Variants in PDZD8 observed in about 807,000 individuals in gnomAD.
PDZD8 encodes PDZ domain-containing protein 8.
Under a neutral mutation model 85.8 loss-of-function variants are expected in PDZD8, and 14 were observed. That is an observed-to-expected ratio of 0.16 (90% CI 0.11 to 0.26). The LOEUF is 0.26. PDZD8 is among the 10% of genes least tolerant of loss of function. The pLI is 1.00. For synonymous variants in PDZD8, 592 were observed against 568.6 expected (o/e 1.04, Z -0.59); for missense variants, 1,197 against 1,424.3 (o/e 0.84, Z 2.57).
At chr10:117,327,806 A>G (rs934455355) in intron 2 of PDZD8, among the ~76,000 whole-genome samples, 3 of 152,198 alleles carry the variant, frequency 2.0e-5, no homozygotes, top group Admixed American at 6.5e-5. Context: ...TGAAATGGAT[A>G]TGGCTTTTAT....
chr10:117,285,705 AGAT>A (rs1844650577), intron 4 of PDZD8: 1 of 1,195,082 alleles, frequency 8.4e-7, no homozygotes, highest in African/African-American at 1.6e-5. Context: ...TTTTCAAACC[AGAT>A]GATGACACAG....
chr10:117,337,548 T>C (rs1844538114), intron 2 of PDZD8, among the ~76,000 whole-genome samples: 1 of 152,244 alleles, frequency 6.6e-6, no homozygotes, highest in Non-Finnish European at 1.5e-5. Context: ...GTATTTCAGA[T>C]AGTTAGGAAA....
intron 1 of PDZD8, among the ~76,000 whole-genome samples, chr10:117,364,998 T>C (rs1845063071): frequency 6.6e-6 from 1 of 152,112 alleles, no homozygotes; most frequent in South Asian, 2.1e-4. Context: ...GGCTTGTATA[T>C]GTATGCTTGA....
At chr10:117,300,976 G>GC (rs1258445495) in intron 3 of PDZD8, among the ~76,000 whole-genome samples, 3 of 152,136 alleles carry the variant, frequency 2.0e-5, no homozygotes, top group Admixed American at 6.5e-5. Context: ...GACTAAGGCA[G>GC]CAACTAAAAA....
chr10:117,364,724 G>C (rs1845058821), intron 1 of PDZD8, among the ~76,000 whole-genome samples: 1 of 152,100 alleles, frequency 6.6e-6, no homozygotes, highest in Non-Finnish European at 1.5e-5. Flanking sequence ...GATTAAGTGA[G>C]AAGTGGTGAC....
intron 1 of PDZD8, among the ~76,000 whole-genome samples, chr10:117,355,657 G>T (rs1844881218): frequency 6.6e-6 from 1 of 152,074 alleles, no homozygotes; most frequent in Admixed American, 6.6e-5. Context: ...CTACCTCACA[G>T]TGCTGTTACA....
At chr10:117,321,709 T>C (rs1024908975) in intron 2 of PDZD8, among the ~76,000 whole-genome samples, 1 of 152,158 alleles carries the variant, frequency 6.6e-6, no homozygotes, top group Non-Finnish European at 1.5e-5. Context: ...TGAATCATTT[T>C]TCTGTGGTAA....
At chr10:117,367,373 C>T (rs539464139) in intron 1 of PDZD8, among the ~76,000 whole-genome samples, 3 of 151,592 alleles carry the variant, frequency 2.0e-5, no homozygotes, top group Admixed American at 1.3e-4. Flanking sequence ...ATAGCGCCAC[C>T]GCACTCCAGC....
rs537140213 is a variant in PDZD8, at chr10:117,310,107, T to G, written c.1098+8765A>C. On this transcript the variant is annotated intron_variant, in intron 3 of 4. Coordinates refer to ENST00000334464, the MANE Select transcript of PDZD8 (RefSeq NM_173791.5). ...TATGCTATCATATTCTTTAGCCAAC[T>G]TGAACAACTCACTCTATCTCAAAGA... 5.9e-5 allele frequency among the ~76,000 whole-genome samples: 9 copies of G among 152,272 alleles called. No homozygotes were observed. In the South Asian group the frequency reaches 1.9e-3, roughly 32 times the overall value.
intron 3 of PDZD8, among the ~76,000 whole-genome samples, chr10:117,299,362 C>CT (rs1449048272): frequency 6.6e-5 from 10 of 152,180 alleles, no homozygotes; most frequent in African/African-American, 2.4e-4. Context: ...GCCTAAATCT[C>CT]TAGCAAGGCC....
intron 3 of PDZD8, among the ~76,000 whole-genome samples, chr10:117,306,464 T>C (rs750919889): frequency 9.9e-5 from 15 of 152,162 alleles, no homozygotes; most frequent in Non-Finnish European, 1.9e-4. Context: ...CAGTAAAATA[T>C]GCAAAGGCCG....
rs148088272 is a variant in PDZD8 at position 117,363,263 on chromosome 10, C to T, written c.872+11093G>A. 5.1e-3 allele frequency among the ~76,000 whole-genome samples: 771 copies of T among 152,084 alleles called. 5 individuals are homozygous for T. Among genetic ancestry groups the T allele is most frequent in the African/African-American group, 0.011 (464 of 41,526 alleles). On this transcript the variant is annotated intron_variant, in intron 1 of 4. Coordinates refer to ENST00000334464, the MANE Select transcript of PDZD8 (RefSeq NM_173791.5). ...TTAGTAATAAGTGTTAGTATAATCC[C>T]GTATGTATGAAAGACTATTGTGTAA... is the stretch of plus-strand genomic sequence containing the variant.
chr10:117,323,235 C>G (rs926578722), intron 2 of PDZD8, among the ~76,000 whole-genome samples: 8 of 152,050 alleles, frequency 5.3e-5, no homozygotes, highest in Non-Finnish European at 1.5e-5. Flanking sequence ...TATTCAGAAG[C>G]CTTAAAGAAA....
chr10:117,288,905 T>G (rs1844711965), intron 4 of PDZD8, among the ~76,000 whole-genome samples: 1 of 152,226 alleles, frequency 6.6e-6, no homozygotes, highest in Non-Finnish European at 1.5e-5. Flanking sequence ...TAATTTATTT[T>G]TGATAATAGG....
rs1844921694 is a variant in PDZD8 at position 117,357,765 on chromosome 10, CCAAAAAAAAAAAAAAAAAAA to C, written c.872+16571_872+16590del. On this transcript the variant is annotated intron_variant, in intron 1 of 4. Coordinates refer to ENST00000334464, the MANE Select transcript of PDZD8 (RefSeq NM_173791.5). ...TGGGCAACAGAGCAAGACTTCATCT[CCAAAAAAAAAAAAAAAAAAA>C]AAAAAAAAAAAAAAAAAAAAAAAAA... Among the ~76,000 whole-genome samples, 9 of 28,250 alleles carry C rather than the reference CCAAAAAAAAAAAAAAAAAAA, an allele frequency of 3.2e-4. No homozygotes were observed. The East Asian group carries it at 5.1e-3, about 16-fold the overall frequency. The allele number at this position is 28,250 out of a possible 152,430, so 18.5% of individuals were successfully genotyped here. A position where few individuals can be genotyped will look rare whatever the true frequency, so the allele number is the denominator to read the frequency against.
chr10:117,370,377 T>C (rs977090035), intron 1 of PDZD8, among the ~76,000 whole-genome samples: 2 of 152,180 alleles, frequency 1.3e-5, no homozygotes, highest in African/African-American at 4.8e-5. Context: ...GAGAGGCTGA[T>C]TCACTTTAGC....
At chr10:117,318,560 T>G (rs758054380) in intron 3 of PDZD8, among the ~76,000 whole-genome samples, 92 of 152,324 alleles carry the variant, frequency 6.0e-4, no homozygotes, top group Non-Finnish European at 1.0e-3. Flanking sequence ...ATGAATACTC[T>G]GAATTCACAT....
chr10:117,323,539 G>A (rs920451904), intron 2 of PDZD8, among the ~76,000 whole-genome samples: 1 of 152,070 alleles, frequency 6.6e-6, no homozygotes, highest in African/African-American at 2.4e-5. Context: ...TCTAAATCCA[G>A]GGAAGAACTT....
At chr10:117,322,163 A>G (rs1202347453) in intron 2 of PDZD8, among the ~76,000 whole-genome samples, 2 of 152,178 alleles carry the variant, frequency 1.3e-5, no homozygotes, top group Admixed American at 1.3e-4. Context: ...TTCCTGTGCT[A>G]GATCCTAATA....
Sources: allele counts gnomAD v4.1 joint callset (sites outside exome capture counted in the v4.1 genomes callset), GRCh38; gene constraint gnomAD v4.1.1; transcripts MANE v1.5; gene names NCBI Gene and HGNC (gene_info 2026-07-23, HGNC 2026-07-21).